The following MDC1 variants were observed in gnomAD, a reference collection of about 807,000 sequenced individuals.
MDC1 encodes the protein mediator of DNA damage checkpoint 1, also known as mediator of DNA damage checkpoint protein 1.
In MDC1, 81 loss-of-function variants were observed where a neutral mutation model predicts 142.5. That is an observed-to-expected ratio of 0.57 (90% CI 0.47 to 0.68). The LOEUF is 0.68. Ranked by LOEUF, MDC1 falls within the 30% of genes least tolerant of loss-of-function variation. The pLI is 0.00. For missense variants in MDC1, 2,119 were observed against 2,547.9 expected (o/e 0.83, Z 3.62); for synonymous variants, 797 against 968.4 (o/e 0.82, Z 3.29).
Position 30,703,012 on chromosome 6 carries a change from C to T in MDC1, c.5865+92G>A. 1 of 1,575,136 alleles carries T rather than the reference C, an allele frequency of 6.3e-7. No individual in the cohort carries two copies. Among genetic ancestry groups the T allele is most frequent in the Non-Finnish European group, 8.6e-7 (1 of 1,158,366 alleles). ...CTGGCTCACCAATGCCCCTGTCTTC[C>T]TGTAACGCCTCTTCCCTTCCACCAC... On this transcript the variant is annotated intron_variant, in intron 12 of 14. Coordinates refer to ENST00000376406, the MANE Select transcript of MDC1 (RefSeq NM_014641.3). The surrounding 1 kb of genome is among the most constrained non-coding windows in gnomAD (Gnocchi z 4.4).
At chr6:30,711,586 T>C in intron 6 of MDC1, 81 bp downstream of exon 6, 1 of 1,600,184 alleles carries the variant, frequency 6.2e-7, no homozygotes, top group Non-Finnish European at 8.6e-7. Context: ...CTACCCATAC[T>C]AGCCTTTACC....
intron 9 of MDC1, among the ~76,000 whole-genome samples, chr6:30,706,494 C>A (rs1243060519): frequency 6.6e-6 from 1 of 151,852 alleles, no homozygotes; most frequent in African/African-American, 2.4e-5. Flanking sequence ...TGGTGGCGGG[C>A]GCCTGTAGTC....
chr6:30,712,520 G>A lies in MDC1; in HGVS notation c.1422C>T (p.His474=). ...CTCTAACAAGGGCTCTAATCTTTGTGTGATCCTTGAGGACAGCTTCTCTAT... is the reference window on the plus strand; with the variant it reads ...CTCTAACAAGGGCTCTAATCTTTGTATGATCCTTGAGGACAGCTTCTCTAT... ...VENREAVLKD[H]TKIRALVRAH... is the part of the protein sequence containing the mutation. The change falls in exon 5 of 15, where the codon CAC becomes CAT. Residue 474 remains histidine (H), a synonymous_variant. Coordinates refer to ENST00000376406, the MANE Select transcript of MDC1 (RefSeq NM_014641.3). This position sits in a 1 kb window ranked among gnomAD's most constrained non-coding sequence, Gnocchi z 4.7. 1.9e-6 allele frequency: 3 copies of A among 1,613,040 alleles called. No homozygotes were observed. The highest frequency in any genetic ancestry group is 2.5e-6 in the Non-Finnish European group (3 of 1,180,034).
Position 30,700,408 on chromosome 6 carries a change from C to G in MDC1, c.*57G>C. 6.4e-7 allele frequency: 1 copy of G among 1,560,634 alleles called. No homozygotes were observed. The highest frequency in any genetic ancestry group is 8.7e-7 in the Non-Finnish European group (1 of 1,144,598). On this transcript the variant is annotated 3_prime_UTR_variant, in exon 15 of 15. Coordinates refer to ENST00000376406, the MANE Select transcript of MDC1 (RefSeq NM_014641.3). Reference sequence around the variant, plus strand: ...CCAATCCTTTCTAACGCCCTGAGTTCTTTCTTCCACATATCTTCTAATTCG... The same window carrying G: ...CCAATCCTTTCTAACGCCCTGAGTTGTTTCTTCCACATATCTTCTAATTCG...
intron 7 of MDC1, 22 bp from the exon 8 acceptor site, chr6:30,708,379 G>A: frequency 6.3e-7 from 1 of 1,582,390 alleles, no homozygotes; most frequent in Non-Finnish European, 8.6e-7. Flanking sequence ...GGAAGGAAGA[G>A]AGAGAGAGGG....
At chr6:30,700,686 G>C in intron 14 of MDC1, 54 bp from the exon 15 acceptor site, 1 of 1,588,316 alleles carries the variant, frequency 6.3e-7, no homozygotes, top group Non-Finnish European at 8.6e-7. Context: ...CTAGAAATGG[G>C]TTCAGGACCC....
At position 30,712,157 on chromosome 6, in the gene MDC1, T is replaced by C. The variant is rs143690883; in HGVS notation, c.1785A>G (p.Val595=). ...TSLTASVVAD[V]RKSQLPAEGD... The stretch of plus-strand genomic sequence containing the variant: ...CTTCTGCTGGAAGCTGGCTCTTTCT[T>C]ACATCTGCAACTACTGAGGCTGTTA... The change falls in exon 5 of 15, where the codon GTA becomes GTG. Residue 595 remains valine, a synonymous_variant. Transcript: ENST00000376406. The surrounding 1 kb of genome is among the most constrained non-coding windows in gnomAD (Gnocchi z 4.7). The C allele has an allele frequency of 7.4e-4, 1,190 of 1,612,718 alleles. 2 individuals carry two copies. The highest frequency in any genetic ancestry group is 9.9e-4 in the South Asian group (90 of 91,064).
At position 30,716,549 on chromosome 6, in the gene MDC1, G is replaced by A. The variant is rs1775691899; in HGVS notation, c.-4+696C>T. ...TTCTCAGCAAACCCTTTCCTGGCGTGTTCCCTGCCTTCTCGTGTTCCTGGT... is the reference window on the plus strand; with the variant it reads ...TTCTCAGCAAACCCTTTCCTGGCGTATTCCCTGCCTTCTCGTGTTCCTGGT... On this transcript the variant is annotated intron_variant, in intron 1 of 14. Transcript: ENST00000376406. The surrounding 1 kb of genome is among the most constrained non-coding windows in gnomAD (Gnocchi z 4.4). 6.6e-6 allele frequency among the ~76,000 whole-genome samples: 1 copy of A among 152,214 alleles called. No homozygotes were observed. The highest frequency in any genetic ancestry group is 1.5e-5 in the Non-Finnish European group (1 of 68,040).
rs377083216 is a variant in MDC1 at position 30,708,721 on chromosome 6, G to A, written c.2222-364C>T. Among the ~76,000 whole-genome samples the A allele has an allele frequency of 4.6e-5, 7 of 151,772 alleles. No homozygotes were observed. In the East Asian group the frequency reaches 5.8e-4, roughly 13 times the overall value. ...ATACAAAAAAATTAGGTGTGGGGAC[G>A]GGGACCTGTAGTCCTGTAGTCTCAG... On this transcript the variant is annotated intron_variant, in intron 7 of 14. Transcript: ENST00000376406.
Position 30,705,770 on chromosome 6 carries a change from G to A in MDC1, c.3413C>T (p.Thr1138Ile). The change falls in exon 10 of 15, where the codon ACT (threonine) becomes ATT (isoleucine). Residue 1138 changes from threonine to isoleucine, a missense_variant. Physicochemically the swap from Thr to Ile is moderately conservative, Grantham distance 89 (BLOSUM62 -1). Transcript: ENST00000376406. ...AGTGGCCTGAGATGTGGGCTTGGGA[G>A]TGACTGGCTGGGCTGTGGAGGTGGA... ...HPSTSTAQPVTPKPTSQATRS... is the reference protein window; with the variant it reads ...HPSTSTAQPVIPKPTSQATRS... 1 of 1,613,282 alleles carries A rather than the reference G, an allele frequency of 6.2e-7. No homozygotes were observed. Among genetic ancestry groups the A allele is most frequent in the Non-Finnish European group, 8.5e-7 (1 of 1,179,536 alleles).
chr6:30,706,392 C>T (rs964225448), intron 9 of MDC1, among the ~76,000 whole-genome samples: 26 of 151,942 alleles, frequency 1.7e-4, no homozygotes, highest in Admixed American at 1.0e-3. Flanking sequence ...GAGGCCGAGG[C>T]GGGTGGATCA....
Position 30,703,712 on chromosome 6 carries a change from T to C in MDC1, c.5471A>G (p.Gln1824Arg), listed in dbSNP as rs1207004934. 5 of 1,540,960 alleles carry C rather than the reference T, an allele frequency of 3.2e-6. No homozygotes were observed. The Admixed American group carries it at 1.1e-4, about 33-fold the overall frequency. The change falls in exon 10 of 15, where the codon CAA (glutamine) becomes CGA (arginine). Residue 1824 changes from glutamine (Q) to arginine (R), a missense_variant. Transcript: ENST00000376406. This position sits in a 1 kb window ranked among gnomAD's most constrained non-coding sequence, Gnocchi z 4.4. ...SLATMDSPPHQKQPQRGEVSQ... is the reference protein window; with the variant it reads ...SLATMDSPPHRKQPQRGEVSQ... ...GACTTCCCCTCTTTGGGGCTGTTTTTGATGTGGTGGTGAATCCATGGTAGC... is the reference window on the plus strand; with the variant it reads ...GACTTCCCCTCTTTGGGGCTGTTTTCGATGTGGTGGTGAATCCATGGTAGC...
At position 30,704,316 on chromosome 6, in the gene MDC1, T is replaced by G. The variant is rs533905657; in HGVS notation, c.4867A>C (p.Thr1623Pro). 9.1e-5 allele frequency: 147 copies of G among 1,610,240 alleles called. 3 individuals are homozygous for G. The South Asian group carries it at 9.5e-4, about 10-fold the overall frequency. The change falls in exon 10 of 15, where the codon ACC becomes CCC. Residue 1623 changes from threonine (T) to proline (P), a missense_variant. Coordinates refer to ENST00000376406, the MANE Select transcript of MDC1 (RefSeq NM_014641.3). Reference sequence around the variant, plus strand: ...GGGGTGACAGGCTGGTCTGTGGAGGTGGTAGGATGGGGCTCAGGGGCTGTG... The same window carrying G: ...GGGGTGACAGGCTGGTCTGTGGAGGGGGTAGGATGGGGCTCAGGGGCTGTG... ...VPTAPEPHPT[T>P]STDQPVTPKL...
rs139807655 is a variant in MDC1 at position 30,711,531 on chromosome 6, C to T, written c.2129-27G>A. ...TGTACAGGAAAAGATGGCCTAAGTT[C>T]ATCTCCTCCATACTACTGTAGGGTT... On this transcript the variant is annotated intron_variant, in intron 6 of 14. Transcript: ENST00000376406. The T allele has an allele frequency of 1.9e-3, 3,006 of 1,608,666 alleles. 5 individuals carry two copies. The highest frequency in any genetic ancestry group is 3.5e-3 in the Middle Eastern group (21 of 6,054).
chr6:30,714,860 C>T (rs1408157979), intron 2 of MDC1, among the ~76,000 whole-genome samples, 180 bp downstream of exon 2: 1 of 152,102 alleles, frequency 6.6e-6, no homozygotes, highest in Non-Finnish European at 1.5e-5. Flanking sequence ...AAAATCACTT[C>T]CAGTGAGTCC....
At position 30,700,588 on chromosome 6, in the gene MDC1, G is replaced by A. The variant is rs146828280; in HGVS notation, c.6147C>T (p.Cys2049=). 4 of 1,612,886 alleles carry A rather than the reference G, an allele frequency of 2.5e-6. No individual in the cohort carries two copies. The highest frequency in any genetic ancestry group is 2.5e-6 in the Non-Finnish European group (3 of 1,180,006). The change falls in exon 15 of 15, where the codon TGC becomes TGT. Residue 2049 remains cysteine, a synonymous_variant. Transcript: ENST00000376406. ...GCAGCCCAACCCGTAGTGGAATGGA[G>A]CAATGAGGGAAGTCCTGAGGGCATG... ...VITCPQDFPH[C]SIPLRVGLPL...
rs749692698 is a variant in MDC1, at chr6:30,704,750, G to A, written c.4433C>T (p.Thr1478Ile). 3 of 1,610,446 alleles carry A rather than the reference G, an allele frequency of 1.9e-6. No individual in the cohort carries two copies. Among genetic ancestry groups the A allele is most frequent in the South Asian group, 1.1e-5 (1 of 90,900 alleles). The stretch of plus-strand genomic sequence containing the variant: ...AGGAGTCTTGACAGAGGATCTATCT[G>A]TTCTTCCCCTAGTAGCCTGAGACGT... ...EPTSQATRGRTDRSSVKTPET... is the reference protein window; with the variant it reads ...EPTSQATRGRIDRSSVKTPET... The change falls in exon 10 of 15, where the codon ACA (threonine) becomes ATA (isoleucine). Residue 1478 changes from threonine (T) to isoleucine (I), a missense_variant. Transcript: ENST00000376406.
In MDC1 at chr6:30,704,266, C is replaced by A; in HGVS notation, c.4917G>T (p.Arg1639Ser). 1 of 1,613,304 alleles carries A rather than the reference C, an allele frequency of 6.2e-7. No homozygotes were observed. Among genetic ancestry groups the A allele is most frequent in the South Asian group, 1.1e-5 (1 of 91,008 alleles). ...VTPKLTSRAT[R>S]RKTNRSSVKT... ...TGACAGAGGACCTATTTGTCTTTCT[C>A]CTAGTGGCCCTAGATGTGAGCTTGG... Residue 1639 changes from arginine to serine, a missense_variant, in exon 10 of 15, where the codon AGG (arginine) becomes AGT (serine). Transcript: ENST00000376406.
Position 30,710,698 on chromosome 6 carries a change from C to T in MDC1, c.2221+714G>A, listed in dbSNP as rs554776630. Among the ~76,000 whole-genome samples, 20 of 152,274 alleles carry T rather than the reference C, an allele frequency of 1.3e-4. 1 individual carries two copies. Among genetic ancestry groups the T allele is most frequent in the Admixed American group, 1.2e-3 (19 of 15,290 alleles). The stretch of plus-strand genomic sequence containing the variant: ...AGGTGTGAGCCACTGTGCCCGACCC[C>T]GGCCTACATTTTCTTTATCCATTCA... On this transcript the variant is annotated intron_variant, in intron 7 of 14. Transcript: ENST00000376406.
Sources: gnomAD v4.1 joint callset for allele counts (sites outside exome capture counted in the v4.1 genomes callset) on GRCh38, gnomAD v4.1.1 for gene constraint, Gnocchi (gnomAD v3.1) non-coding constraint, MANE v1.5 for transcripts, NCBI Gene and HGNC (gene_info 2026-07-23, HGNC 2026-07-21) for gene names.